The following NCAM2 variants were observed in gnomAD, a reference collection of about 807,000 sequenced individuals.
NCAM2 encodes the protein N-CAM-2.
Under a neutral mutation model 98.1 loss-of-function variants are expected in NCAM2, and 30 were observed. The ratio of observed to expected loss-of-function variants is 0.31; its 90% CI spans 0.23 to 0.41. NCAM2 has a LOEUF of 0.41. Among genes scored for constraint, NCAM2 ranks in the 10% least tolerant of loss-of-function variants. The pLI, the probability that NCAM2 is intolerant of heterozygous loss-of-function variation, is 1.00. For missense variants in NCAM2, 867 were observed against 1,005.8 expected, an observed-to-expected ratio of 0.86 and a Z score of 1.87; for synonymous variants, 368 against 342.4, an observed-to-expected ratio of 1.07 and a Z score of -0.83.
intron 8 of NCAM2, among the ~76,000 whole-genome samples, chr21:21,349,491 T>A (rs570735947): frequency 1.3e-5 from 2 of 151,962 alleles, no homozygotes; most frequent in Non-Finnish European, 2.9e-5. Context: ...GGAGGTAAAA[T>A]AGTAAAATAG....
intron 1 of NCAM2, among the ~76,000 whole-genome samples, chr21:21,059,244 A>C (rs534788986): frequency 1.3e-5 from 2 of 152,184 alleles, no homozygotes; most frequent in South Asian, 4.1e-4. Flanking sequence ...CCAAGCCAGG[A>C]AAAAAGCTTT....
chr21:21,222,384 C>T (rs553806320), intron 1 of NCAM2, among the ~76,000 whole-genome samples: 31 of 152,062 alleles, frequency 2.0e-4, no homozygotes, highest in Admixed American at 3.9e-4. Flanking sequence ...TGGATCTGGG[C>T]AAAGTAAATT....
At chr21:21,440,975 C>T (rs1170206594) in intron 12 of NCAM2, among the ~76,000 whole-genome samples, 2 of 152,118 alleles carry the variant, frequency 1.3e-5, no homozygotes, top group African/African-American at 4.8e-5. Context: ...TTAAATGACT[C>T]GAATTAGCAG....
chr21:21,360,258 A>T (rs892876117), intron 8 of NCAM2, among the ~76,000 whole-genome samples: 4 of 151,974 alleles, frequency 2.6e-5, no homozygotes, highest in Admixed American at 1.3e-4. Context: ...TAATACATTT[A>T]AAAAAGATAT....
At chr21:21,136,652 G>C (rs1178697991) in intron 1 of NCAM2, among the ~76,000 whole-genome samples, 2 of 105,642 alleles carry the variant, frequency 1.9e-5, no homozygotes, top group African/African-American at 4.0e-5. Flanking sequence ...ATTTTTAGTA[G>C]AGATGGGGTT....
chr21:21,410,439 C>T lies in NCAM2; in HGVS notation c.1361C>T (p.Thr454Ile). ...ACGACCAATTTAAAGACTTATAGTACAGGAAGAAAGATGATATTAGAGGTA... is the reference window on the plus strand; with the variant it reads ...ACGACCAATTTAAAGACTTATAGTATAGGAAGAAAGATGATATTAGAGGTA... ...KNTTNLKTYS[T>I]GRKMILEIAP... Residue 454 changes from threonine (T) to isoleucine (I), a missense_variant, in exon 10 of 18, where the codon ACA (threonine) becomes ATA (isoleucine). Thr to Ile is a moderately conservative substitution (Grantham distance 89). Coordinates refer to ENST00000400546, the MANE Select transcript of NCAM2 (RefSeq NM_004540.5). The T allele has an allele frequency of 5.8e-6, 9 of 1,563,904 alleles. No homozygotes were observed. Among genetic ancestry groups the T allele is most frequent in the Non-Finnish European group, 6.1e-6 (7 of 1,155,770 alleles).
intron 1 of NCAM2, among the ~76,000 whole-genome samples, chr21:21,141,308 G>A (rs2067164070): frequency 6.6e-6 from 1 of 152,082 alleles, no homozygotes; most frequent in South Asian, 2.1e-4. Context: ...TTGTTGTCTG[G>A]TGTCTCCTTT....
intron 1 of NCAM2, among the ~76,000 whole-genome samples, chr21:21,254,756 G>T (rs1234969208): frequency 6.6e-6 from 1 of 151,956 alleles, no homozygotes; most frequent in Non-Finnish European, 1.5e-5. Context: ...TATGTGTAGG[G>T]GTGTTAGAAT....
chr21:21,189,606 C>G (rs2068753766), intron 1 of NCAM2, among the ~76,000 whole-genome samples: 1 of 152,066 alleles, frequency 6.6e-6, no homozygotes. Context: ...TTGATTTTAG[C>G]AAGTTTTAGA....
At chr21:21,333,007 A>G (rs1285018640) in intron 6 of NCAM2, among the ~76,000 whole-genome samples, 1 of 152,170 alleles carries the variant, frequency 6.6e-6, no homozygotes, top group East Asian at 1.9e-4. Context: ...ACATTCTTGT[A>G]CCTGAAAAAG....
intron 8 of NCAM2, among the ~76,000 whole-genome samples, chr21:21,357,610 C>T (rs565227076): frequency 2.0e-5 from 3 of 152,116 alleles, no homozygotes; most frequent in East Asian, 1.9e-4. Flanking sequence ...GATTGAAAGA[C>T]AGTATGTAAG....
At chr21:21,534,329 A>C (rs1989869535) in intron 16 of NCAM2, among the ~76,000 whole-genome samples, 1 of 152,094 alleles carries the variant, frequency 6.6e-6, no homozygotes, top group Non-Finnish European at 1.5e-5. Context: ...TCTATCTAGA[A>C]AAAATGGAAT....
chr21:21,207,404 T>A (rs999769029), intron 1 of NCAM2, among the ~76,000 whole-genome samples: 1 of 152,104 alleles, frequency 6.6e-6, no homozygotes, highest in African/African-American at 2.4e-5. Flanking sequence ...TGTTGAGAGA[T>A]GGAACTTGAA....
intron 11 of NCAM2, among the ~76,000 whole-genome samples, chr21:21,422,120 G>T (rs1000308893): frequency 6.6e-6 from 1 of 152,176 alleles, no homozygotes; most frequent in African/African-American, 2.4e-5. Context: ...GGGATCCAGA[G>T]AGGGTAAAAA....
chr21:21,205,022 G>T (rs1183367245), intron 1 of NCAM2, among the ~76,000 whole-genome samples: 1 of 151,404 alleles, frequency 6.6e-6, no homozygotes, highest in Non-Finnish European at 1.5e-5. Context: ...GGAAGTTTCT[G>T]CAAAATAACA....
chr21:21,002,325 C>T (rs568650928), intron 1 of NCAM2, among the ~76,000 whole-genome samples: 2 of 151,964 alleles, frequency 1.3e-5, no homozygotes, highest in Non-Finnish European at 2.9e-5. Flanking sequence ...ATTTTCTCCC[C>T]GAGGTACTGT....
rs1260765223 is a variant in NCAM2 at position 21,125,558 on chromosome 21, T to C, written c.55+126940T>C. Reference sequence around the variant, plus strand: ...AAAATATATATTACATATATACATATATAATATGCATATAAAACATATAAT... The same window carrying C: ...AAAATATATATTACATATATACATACATAATATGCATATAAAACATATAAT... On this transcript the variant is annotated intron_variant, in intron 1 of 17. Transcript: ENST00000400546. Among the ~76,000 whole-genome samples, 101 of 20,502 alleles carry C rather than the reference T, an allele frequency of 4.9e-3. 4 individuals are homozygous for C. The highest frequency in any genetic ancestry group is 0.017 in the Non-Finnish European group (86 of 5,040). The allele number at this position is 20,502 out of a possible 152,430, so 13.5% of individuals were successfully genotyped here.
At chr21:21,424,951 G>A (rs1368958149) in intron 11 of NCAM2, among the ~76,000 whole-genome samples, 1 of 144,214 alleles carries the variant, frequency 6.9e-6, no homozygotes, top group African/African-American at 2.6e-5. Context: ...CAGGAGAATT[G>A]CTTGAATCCA....
At chr21:21,034,364 C>T (rs1296279196) in intron 1 of NCAM2, among the ~76,000 whole-genome samples, 1 of 152,052 alleles carries the variant, frequency 6.6e-6, no homozygotes, top group East Asian at 1.9e-4. Context: ...TCTGAAGCAT[C>T]TTCAGTTGGA....
Sources: allele counts gnomAD v4.1 joint callset (sites outside exome capture counted in the v4.1 genomes callset), GRCh38; gene constraint gnomAD v4.1.1; transcripts MANE v1.5; gene names NCBI Gene and HGNC (gene_info 2026-07-23, HGNC 2026-07-21).